Variants in CALD1 observed in about 807,000 individuals in gnomAD.
CALD1 encodes the protein caldesmon 1, also known as caldesmon.
CALD1 carries 33 observed loss-of-function variants against 99.9 expected under a neutral mutation model. The ratio of observed to expected loss-of-function variants is 0.33; its 90% CI spans 0.25 to 0.44. CALD1 has a LOEUF of 0.44. CALD1 is among the 20% of genes least tolerant of loss of function. The pLI is 1.00. For missense variants in CALD1, 861 were observed against 962.1 expected, an observed-to-expected ratio of 0.89 and a Z score of 1.39; for synonymous variants, 310 against 325.0, an observed-to-expected ratio of 0.95 and a Z score of 0.50.
chr7:134,836,013 T>C (rs530342459), intron 1 of CALD1, among the ~76,000 whole-genome samples: 6 of 151,682 alleles, frequency 4.0e-5, no homozygotes, highest in African/African-American at 1.5e-4. Flanking sequence ...GGTGTGGCGG[T>C]GGGTGCCTGT....
chr7:134,817,487 T>G (rs1798606561), intron 1 of CALD1, among the ~76,000 whole-genome samples: 1 of 152,186 alleles, frequency 6.6e-6, no homozygotes, highest in Admixed American at 6.5e-5. Context: ...ACAACGTTAT[T>G]CAGGTAAGAA....
At position 134,935,771 on chromosome 7, in the gene CALD1, T is replaced by C; in HGVS notation, c.1386+6T>C. 2 of 1,580,690 alleles carry C rather than the reference T, an allele frequency of 1.3e-6. No individual in the cohort carries two copies. Among genetic ancestry groups the C allele is most frequent in the South Asian group, 2.4e-5 (2 of 84,676 alleles). ...CTACCTTCAAAAAAGAAGAGGTAAA[T>C]ATGATTGAAAAGTAATGATCGTAAA... On this transcript the variant is annotated splice_donor_region_variant and intron_variant, in intron 6 of 14. Coordinates refer to ENST00000361675, the MANE Select transcript of CALD1 (RefSeq NM_033138.4).
chr7:134,772,485 G>A (rs1796885212), intron 1 of CALD1, among the ~76,000 whole-genome samples: 1 of 152,128 alleles, frequency 6.6e-6, no homozygotes, highest in South Asian at 2.1e-4. Flanking sequence ...CATTATCTAT[G>A]ATTTCTTGCT....
intron 4 of CALD1, 53 bp downstream of exon 4, chr7:134,928,953 T>C: frequency 6.8e-7 from 1 of 1,470,202 alleles, no homozygotes; most frequent in African/African-American, 1.4e-5. Flanking sequence ...AGCCTGTCCG[T>C]TGAATGGAAT....
At chr7:134,730,879 T>C in the CALD1 span, among the ~76,000 whole-genome samples, 1 of 152,044 alleles carries the variant, frequency 6.6e-6, no homozygotes, top group South Asian at 2.1e-4. Flanking sequence ...AAGGAAAAGC[T>C]CCTTCTCCTA....
intron 3 of CALD1, among the ~76,000 whole-genome samples, chr7:134,903,316 T>A (rs1156715646): frequency 6.6e-6 from 1 of 152,140 alleles, no homozygotes; most frequent in Non-Finnish European, 1.5e-5. Context: ...GATGTGTCAC[T>A]GCAGGTTCAT....
At chr7:134,959,602 C>T (rs1328669021) in intron 11 of CALD1, among the ~76,000 whole-genome samples, 1 of 151,904 alleles carries the variant, frequency 6.6e-6, no homozygotes, top group Non-Finnish European at 1.5e-5. Context: ...CCCTGGAGGT[C>T]GTGGCTGTAG....
intron 3 of CALD1, among the ~76,000 whole-genome samples, chr7:134,880,463 T>C (rs1277038188): frequency 6.6e-6 from 1 of 152,160 alleles, no homozygotes; most frequent in Non-Finnish European, 1.5e-5. Flanking sequence ...AGATGATGGG[T>C]TATCAGGCTG....
In CALD1 at chr7:134,933,050, C is replaced by T; in HGVS notation, c.281C>T (p.Ala94Val). 1 of 1,613,816 alleles carries T rather than the reference C, an allele frequency of 6.2e-7. No individual in the cohort carries two copies. Among genetic ancestry groups the T allele is most frequent in the Non-Finnish European group, 8.5e-7 (1 of 1,179,920 alleles). Residue 94 changes from alanine to valine, a missense_variant, in exon 5 of 15, where the codon GCC becomes GTC. Coordinates refer to ENST00000361675, the MANE Select transcript of CALD1 (RefSeq NM_033138.4). ...ACTCAAGTGGAAGGGGATGATGAGG[C>T]CGCATTCCTGGAGCGCCTGGCTCGG... Reference protein sequence around the residue: ...TNTQVEGDDEAAFLERLARRE... With the variant: ...TNTQVEGDDEVAFLERLARRE...
intron 3 of CALD1, among the ~76,000 whole-genome samples, chr7:134,873,795 A>G (rs1211699039): frequency 2.0e-5 from 3 of 152,248 alleles, no homozygotes; most frequent in African/African-American, 7.2e-5. Context: ...TAGTAAAAGT[A>G]TCCACCTCAC....
At chr7:134,711,712 GTGTGTGTGTGTGTGTCTC>G in the CALD1 span, among the ~76,000 whole-genome samples, 3 of 135,116 alleles carry the variant, frequency 2.2e-5, no homozygotes, top group African/African-American at 8.5e-5. Flanking sequence ...GTGTGTGTGT[GTGTGTGTGTGTGTGTCTC>G]TCTCTCTGTC....
At chr7:134,757,628 C>T (rs150411688) in intron 1 of CALD1, among the ~76,000 whole-genome samples, 1,856 of 152,226 alleles carry the variant, frequency 0.012, 37 homozygotes, top group African/African-American at 0.039. Flanking sequence ...TGCCTGTAAT[C>T]CCAGCACTTT....
intron 2 of CALD1, among the ~76,000 whole-genome samples, chr7:134,847,718 A>G (rs2132194687): frequency 6.6e-6 from 1 of 152,334 alleles, no homozygotes; most frequent in Non-Finnish European, 1.5e-5. Context: ...AGGCACCTCC[A>G]TGAAAACACA....
At chr7:134,731,651 C>T in the CALD1 span, among the ~76,000 whole-genome samples, 893 of 100,412 alleles carry the variant, frequency 8.9e-3, 6 homozygotes, top group African/African-American at 0.033. Flanking sequence ...GTGTCTCCTC[C>T]ACTTCCTTTT....
chr7:134,786,403 T>C (rs1019960037), intron 1 of CALD1, among the ~76,000 whole-genome samples: 1 of 152,052 alleles, frequency 6.6e-6, no homozygotes, highest in Non-Finnish European at 1.5e-5. Context: ...AATTATATTA[T>C]GTGTGGGAAG....
intron 1 of CALD1, among the ~76,000 whole-genome samples, chr7:134,822,995 T>C (rs1262539106): frequency 1.3e-5 from 2 of 152,174 alleles, no homozygotes; most frequent in African/African-American, 2.4e-5. Flanking sequence ...TAAGATGAAA[T>C]TGGTGAATAG....
chr7:134,963,927 G>A (rs902226010), intron 13 of CALD1, among the ~76,000 whole-genome samples: 2 of 152,188 alleles, frequency 1.3e-5, no homozygotes, highest in African/African-American at 2.4e-5. Context: ...GGCTGGGCGC[G>A]GTGGCTCACG....
At chr7:134,875,475 AAAATTC>A (rs551265063) in intron 3 of CALD1, among the ~76,000 whole-genome samples, 119 of 152,330 alleles carry the variant, frequency 7.8e-4, no homozygotes, top group Non-Finnish European at 1.4e-3. Context: ...ATCTCTACTA[AAAATTC>A]AAAAAATAAG....
At chr7:134,825,706 T>G (rs1798960614) in intron 1 of CALD1, among the ~76,000 whole-genome samples, 1 of 152,134 alleles carries the variant, frequency 6.6e-6, no homozygotes, top group Admixed American at 6.6e-5. Flanking sequence ...CAAGGTCATT[T>G]TATACTTACA....
Sources: allele counts gnomAD v4.1 joint callset (sites outside exome capture counted in the v4.1 genomes callset), GRCh38; gene constraint gnomAD v4.1.1; transcripts MANE v1.5; gene names NCBI Gene and HGNC (gene_info 2026-07-23, HGNC 2026-07-21).